KIAA1958: variants seen among roughly 807,000 people sequenced by gnomAD.
KIAA1958 encodes the protein KIAA1958, also known as uncharacterized protein KIAA1958.
KIAA1958 carries 14 observed loss-of-function variants against 47.2 expected under a neutral mutation model. The ratio of observed to expected loss-of-function variants is 0.30; its 90% CI spans 0.20 to 0.46. The LOEUF is 0.46. Among genes scored for constraint, KIAA1958 ranks in the 20% least tolerant of loss-of-function variants. KIAA1958 has a pLI of 1.00. For missense variants in KIAA1958, 803 were observed against 909.2 expected (o/e 0.88, Z 1.50); for synonymous variants, 354 against 353.3 (o/e 1.00, Z -0.02).
At chr9:112,516,675 C>A (rs1338656858) in intron 1 of KIAA1958, among the ~76,000 whole-genome samples, 2 of 152,188 alleles carry the variant, frequency 1.3e-5, no homozygotes, top group Non-Finnish European at 2.9e-5. Context: ...AGTTTTAGGA[C>A]TTACATTTCC....
chr9:112,659,657 A>G lies in KIAA1958; in HGVS notation c.1739A>G (p.Tyr580Cys), dbSNP rs1363789744. The G allele has an allele frequency of 2.5e-6, 4 of 1,614,196 alleles. No homozygotes were observed. Among genetic ancestry groups the G allele is most frequent in the Non-Finnish European group, 3.4e-6 (4 of 1,180,032 alleles). Residue 580 changes from tyrosine (Y) to cysteine (C), a missense_variant, in exon 4 of 4, where the codon TAT (tyrosine) becomes TGT (cysteine). By Grantham distance (194) the Tyr-to-Cys change is radical. Transcript: ENST00000337530. The stretch of plus-strand genomic sequence containing the variant: ...CTGCAGGAGCATGCGGATCTGATGT[A>G]TGGTGACATCGAGCTGCTCAAAGAC... ...RTLQEHADLM[Y>C]GDIELLKDPQ... is the part of the protein sequence containing the mutation.
intron 2 of KIAA1958, among the ~76,000 whole-genome samples, chr9:112,603,467 G>C (rs1050228934): frequency 6.6e-6 from 1 of 151,978 alleles, no homozygotes; most frequent in Non-Finnish European, 1.5e-5. Flanking sequence ...CTATCCTACT[G>C]CCCTTCCTAA....
At chr9:112,542,389 C>G in intron 1 of KIAA1958, among the ~76,000 whole-genome samples, 1 of 151,944 alleles carries the variant, frequency 6.6e-6, no homozygotes, top group East Asian at 1.9e-4. Flanking sequence ...AGAATATATT[C>G]ATGAATATAT....
chr9:112,503,603 C>T (rs780722770), intron 1 of KIAA1958, among the ~76,000 whole-genome samples: 16 of 118,460 alleles, frequency 1.4e-4, no homozygotes, highest in Admixed American at 2.3e-4. Context: ...GGCAACAGAG[C>T]GAGACCCTGT....
chr9:112,633,505 G>T (rs1158380568), intron 2 of KIAA1958, among the ~76,000 whole-genome samples: 1 of 151,838 alleles, frequency 6.6e-6, no homozygotes, highest in East Asian at 1.9e-4. Flanking sequence ...AATACTTATT[G>T]AAGTACTTAT....
intron 2 of KIAA1958, among the ~76,000 whole-genome samples, chr9:112,616,434 T>C (rs1836408788): frequency 6.6e-6 from 1 of 152,226 alleles, no homozygotes; most frequent in Non-Finnish European, 1.5e-5. Context: ...GTAAATAAAA[T>C]TCAGTTTATT....
At chr9:112,635,915 C>G (rs564831609) in intron 2 of KIAA1958, among the ~76,000 whole-genome samples, 1 of 151,450 alleles carries the variant, frequency 6.6e-6, no homozygotes, top group South Asian at 2.1e-4. Context: ...ATTTCTTGTT[C>G]TTCTAAATTT....
chr9:112,570,098 C>T (rs1028731828), intron 1 of KIAA1958, among the ~76,000 whole-genome samples: 1 of 152,184 alleles, frequency 6.6e-6, no homozygotes, highest in African/African-American at 2.4e-5. Context: ...GCTAGTTCTT[C>T]TGTGTTAGAT....
intron 1 of KIAA1958, among the ~76,000 whole-genome samples, chr9:112,517,338 A>G (rs1036662486): frequency 1.3e-5 from 2 of 152,264 alleles, no homozygotes; most frequent in African/African-American, 4.8e-5. Context: ...GTATGTCTAT[A>G]TGCAAAAAGT....
intron 2 of KIAA1958, among the ~76,000 whole-genome samples, chr9:112,637,765 T>C (rs1223690229): frequency 6.6e-6 from 1 of 152,226 alleles, no homozygotes; most frequent in African/African-American, 2.4e-5. Context: ...TCATCTGTTT[T>C]CTGGCTTCCA....
chr9:112,647,852 T>C (rs1328284981), intron 3 of KIAA1958, among the ~76,000 whole-genome samples: 1 of 152,226 alleles, frequency 6.6e-6, no homozygotes, highest in African/African-American at 2.4e-5. Flanking sequence ...TGCTCAAAGT[T>C]TGGCAATCTC....
chr9:112,664,413 A>C lies in KIAA1958; in HGVS notation c.*4344A>C, dbSNP rs1837324140. 1.3e-5 allele frequency: 2 copies of C among 152,212 alleles called. No individual in the cohort carries two copies. The highest frequency in any genetic ancestry group is 1.5e-5 in the Non-Finnish European group (1 of 68,026). The allele number at this position is 152,212 out of a possible 1,614,324, so 9.4% of individuals were successfully genotyped here. Reference sequence around the variant, plus strand: ...TTTTATGAGATGTAGATTGCTAAAAACTTTTGAGCTAGTAGACGTTACCTT... The same window carrying C: ...TTTTATGAGATGTAGATTGCTAAAACCTTTTGAGCTAGTAGACGTTACCTT... On this transcript the variant is annotated 3_prime_UTR_variant, in exon 4 of 4. Transcript: ENST00000337530.
rs775524693 is a variant in KIAA1958, at chr9:112,659,544, G to A, written c.1626G>A (p.Trp542Ter). ...YFSLSDEEEM[W>*]QAGCLGDDSP... ...CCCTTTCTGACGAGGAGGAGATGTGGCAGGCAGGGTGTCTGGGGGATGACA... is the reference window on the plus strand; with the variant it reads ...CCCTTTCTGACGAGGAGGAGATGTGACAGGCAGGGTGTCTGGGGGATGACA... The change falls in exon 4 of 4, where the codon TGG (tryptophan) becomes TGA (stop). Residue 542 changes from tryptophan (W) to a stop codon, truncating the protein, a stop_gained. Coordinates refer to ENST00000337530, the MANE Select transcript of KIAA1958 (RefSeq NM_133465.4). LOFTEE classifies it high-confidence loss of function. 6.2e-7 allele frequency: 1 copy of A among 1,613,068 alleles called. No individual in the cohort carries two copies. The highest frequency in any genetic ancestry group is 1.7e-5 in the Admixed American group (1 of 59,850).
At chr9:112,493,391 T>G (rs571447808) in intron 1 of KIAA1958, among the ~76,000 whole-genome samples, 1 of 152,332 alleles carries the variant, frequency 6.6e-6, no homozygotes, top group East Asian at 1.9e-4. Flanking sequence ...ATCTGTGTCT[T>G]TTCTTTTATT....
chr9:112,651,549 C>G (rs1837055403), intron 3 of KIAA1958, among the ~76,000 whole-genome samples: 1 of 151,866 alleles, frequency 6.6e-6, no homozygotes, highest in Non-Finnish European at 1.5e-5. Flanking sequence ...TGCCTGCCAC[C>G]ATACCTGGCT....
intron 2 of KIAA1958, among the ~76,000 whole-genome samples, chr9:112,641,974 G>T (rs1836897497): frequency 6.6e-6 from 1 of 152,064 alleles, no homozygotes; most frequent in African/African-American, 2.4e-5. Flanking sequence ...CTCCTTTCAG[G>T]GGGACGAGTA....
intron 1 of KIAA1958, among the ~76,000 whole-genome samples, chr9:112,546,283 A>G (rs978119969): frequency 6.6e-6 from 1 of 152,220 alleles, no homozygotes; most frequent in Admixed American, 6.5e-5. Flanking sequence ...TACAGTCATC[A>G]TGGCAATGTA....
chr9:112,529,588 A>G (rs958298489), intron 1 of KIAA1958, among the ~76,000 whole-genome samples: 18 of 152,176 alleles, frequency 1.2e-4, no homozygotes, highest in Non-Finnish European at 2.4e-4. Context: ...TTGGGTTTGT[A>G]TATTTTTCTC....
rs767609501 is a variant in KIAA1958, at chr9:112,659,740, G to A, written c.1822G>A (p.Gly608Ser). The A allele has an allele frequency of 1.3e-5, 21 of 1,613,992 alleles. No homozygotes were observed. The highest frequency in any genetic ancestry group is 5.3e-5 in the African/African-American group (4 of 74,890). ...CAGCGTCAAGCGGGAGAGTCGGAGC[G>A]GCTCCACCAGAGTGTGTCACGGGAA... is the stretch of plus-strand genomic sequence containing the variant. ...TDSVKRESRS[G>S]STRVCHGKIY... The change falls in exon 4 of 4, where the codon GGC (glycine) becomes AGC (serine). Residue 608 changes from glycine to serine, a missense_variant. Transcript: ENST00000337530.
Sources: gnomAD v4.1 joint callset for allele counts (sites outside exome capture counted in the v4.1 genomes callset) on GRCh38, gnomAD v4.1.1 for gene constraint, MANE v1.5 for transcripts, NCBI Gene and HGNC (gene_info 2026-07-23, HGNC 2026-07-21) for gene names.